The following ANK3 variants were observed in gnomAD, a reference collection of about 807,000 sequenced individuals.
ANK3 encodes the protein ankyrin 3, also known as ankyrin-3.
ANK3 carries 57 observed loss-of-function variants against 370.9 expected under a neutral mutation model. That is an observed-to-expected ratio of 0.15 (90% CI 0.12 to 0.19). The LOEUF (loss-of-function observed/expected upper bound fraction) is 0.19. Among genes scored for constraint, ANK3 ranks in the 10% least tolerant of loss-of-function variants. The pLI, the probability that ANK3 is intolerant of heterozygous loss-of-function variation, is 1.00. For missense variants in ANK3, 4,439 were observed against 5,302.1 expected (o/e 0.84, Z 5.06); for synonymous variants, 1,929 against 1,946.3 (o/e 0.99, Z 0.23).
At chr10:60,140,825 T>C in intron 23 of ANK3, 1 of 995,236 alleles carries the variant, frequency 1.0e-6, no homozygotes, top group Non-Finnish European at 1.2e-6. Flanking sequence ...CGTTGCCTAG[T>C]CGGGTAACCA....
At chr10:60,630,640 G>A (rs1185960545) in intron 1 of ANK3, among the ~76,000 whole-genome samples, 2 of 152,170 alleles carry the variant, frequency 1.3e-5, no homozygotes. Context: ...GAACTTTCAG[G>A]ATAAGGAGCC....
intron 2 of ANK3, among the ~76,000 whole-genome samples, chr10:60,473,075 A>G (rs1214530434): frequency 6.6e-6 from 1 of 152,206 alleles, no homozygotes; most frequent in Non-Finnish European, 1.5e-5. Flanking sequence ...AGAATATTTC[A>G]TGACATCAAA....
chr10:60,179,673 T>G (rs2132338137), intron 18 of ANK3, among the ~76,000 whole-genome samples: 1 of 136,978 alleles, frequency 7.3e-6, no homozygotes, highest in East Asian at 2.1e-4. Context: ...AGAGTGAGAC[T>G]CCCTCTTGGA....
intron 7 of ANK3, among the ~76,000 whole-genome samples, chr10:60,253,527 G>C (rs562115466): frequency 3.9e-5 from 6 of 152,290 alleles, no homozygotes; most frequent in African/African-American, 1.4e-4. Flanking sequence ...GTGGCATTCA[G>C]GAAAAGGCAG....
chr10:60,409,277 C>T (rs957121788), intron 2 of ANK3, among the ~76,000 whole-genome samples: 1 of 152,182 alleles, frequency 6.6e-6, no homozygotes, highest in Non-Finnish European at 1.5e-5. Context: ...TTTCCCATTT[C>T]TGGAGAGACC....
At chr10:60,241,833 C>G (rs934507215) in intron 7 of ANK3, among the ~76,000 whole-genome samples, 1 of 152,104 alleles carries the variant, frequency 6.6e-6, no homozygotes, top group Admixed American at 6.5e-5. Context: ...TACGCAGATG[C>G]ATTTTATAAA....
intron 1 of ANK3, among the ~76,000 whole-genome samples, chr10:60,630,617 G>A (rs931652893): frequency 4.6e-5 from 7 of 152,148 alleles, no homozygotes; most frequent in African/African-American, 1.7e-4. Context: ...AGGAAGGAAG[G>A]GGCTGTGAAA....
chr10:60,575,718 C>T (rs1205380094), intron 2 of ANK3, among the ~76,000 whole-genome samples: 2 of 152,034 alleles, frequency 1.3e-5, no homozygotes, highest in African/African-American at 2.4e-5. Context: ...TAAATCATCA[C>T]AAAATCAATA....
intron 2 of ANK3, among the ~76,000 whole-genome samples, chr10:60,395,610 C>CTTTCTTTCTTTT (rs1567004658): frequency 1.9e-4 from 16 of 85,014 alleles, no homozygotes; most frequent in African/African-American, 6.0e-4. Flanking sequence ...CTTTCTTTCT[C>CTTTCTTTCTTTT]TCTTTCGTTC....
At chr10:60,488,705 T>A (rs1266643777) in intron 2 of ANK3, among the ~76,000 whole-genome samples, 1 of 152,208 alleles carries the variant, frequency 6.6e-6, no homozygotes, top group South Asian at 2.1e-4. Flanking sequence ...TCTTTCACTT[T>A]GTTTAATGCT....
Position 60,074,794 on chromosome 10 carries a change from G to A in ANK3, c.6087C>T (p.Asn2029=). 1 of 1,614,068 alleles carries A rather than the reference G, an allele frequency of 6.2e-7. No homozygotes were observed. The highest frequency in any genetic ancestry group is 8.5e-7 in the Non-Finnish European group (1 of 1,179,996). Residue 2029 remains asparagine, a synonymous_variant, in exon 37 of 44, where the codon AAC becomes AAT. Coordinates refer to ENST00000280772, the MANE Select transcript of ANK3 (RefSeq NM_020987.5). ...TTAGGTAATCAATAACTTTGGTCAA[G>A]TTATAATCCTTTTCGGAGGCGGCTT... is the stretch of plus-strand genomic sequence containing the variant. ...KAKAASEKDY[N]LTKVIDYLTN...
At chr10:60,285,293 T>C (rs561152688) in intron 1 of ANK3, among the ~76,000 whole-genome samples, 2 of 152,108 alleles carry the variant, frequency 1.3e-5, no homozygotes, top group African/African-American at 4.8e-5. Context: ...TGTTTATGAG[T>C]TCTCCTTTAA....
intron 1 of ANK3, among the ~76,000 whole-genome samples, chr10:60,348,677 G>A (rs1479067587): frequency 6.6e-6 from 1 of 152,128 alleles, no homozygotes; most frequent in East Asian, 1.9e-4. Flanking sequence ...CAGCAGTAGT[G>A]GTGGTGTGGT....
intron 2 of ANK3, among the ~76,000 whole-genome samples, chr10:60,492,175 G>A (rs1393790996): frequency 2.6e-5 from 4 of 152,150 alleles, no homozygotes; most frequent in African/African-American, 9.7e-5. Context: ...ATCTAGCTTT[G>A]TGTAAGGACA....
intron 2 of ANK3, among the ~76,000 whole-genome samples, chr10:60,428,264 G>C (rs904007471): frequency 6.6e-6 from 1 of 152,122 alleles, no homozygotes; most frequent in Non-Finnish European, 1.5e-5. Flanking sequence ...GACCAAGCAC[G>C]AGAATAACGC....
chr10:60,447,875 C>T (rs1479367425), intron 2 of ANK3, among the ~76,000 whole-genome samples: 3 of 152,144 alleles, frequency 2.0e-5, no homozygotes, highest in Admixed American at 6.5e-5. Context: ...GGGTTGTGAC[C>T]GATAATTTTA....
At chr10:60,280,348 A>G (rs2098142618) in intron 1 of ANK3, among the ~76,000 whole-genome samples, 2 of 152,110 alleles carry the variant, frequency 1.3e-5, no homozygotes, top group African/African-American at 4.8e-5. Context: ...CATGATCCCA[A>G]CTTAACCCAT....
chr10:60,661,805 T>G (rs1349184390), intron 1 of ANK3, among the ~76,000 whole-genome samples: 5 of 152,144 alleles, frequency 3.3e-5, no homozygotes, highest in Non-Finnish European at 7.4e-5. Context: ...TGGGAGGCCC[T>G]GAGCACCCTC....
At chr10:60,442,735 ACTT>A (rs1172055520) in intron 2 of ANK3, among the ~76,000 whole-genome samples, 4 of 152,198 alleles carry the variant, frequency 2.6e-5, no homozygotes, top group African/African-American at 7.2e-5. Flanking sequence ...TTACTGCGTA[ACTT>A]CTTCTTGTTT....
Sources: gnomAD v4.1 joint callset for allele counts (sites outside exome capture counted in the v4.1 genomes callset) on GRCh38, gnomAD v4.1.1 for gene constraint, MANE v1.5 for transcripts, NCBI Gene and HGNC (gene_info 2026-07-23, HGNC 2026-07-21) for gene names.